Variants in FHL5 observed in about 807,000 individuals in gnomAD.
FHL5 encodes four and a half LIM domains protein 5.
FHL5 carries 33 observed loss-of-function variants against 32.0 expected under a neutral mutation model. The observed-to-expected ratio is 1.03, with a 90% CI of 0.78 to 1.38. FHL5 has a LOEUF of 1.38. FHL5 is among the 40% of genes most tolerant of loss of function. FHL5 has a pLI of 0.00. For missense variants in FHL5, 336 were observed against 343.9 expected, an observed-to-expected ratio of 0.98 and a Z score of 0.18; for synonymous variants, 114 against 113.6, an observed-to-expected ratio of 1.00 and a Z score of -0.02.
rs1002607745 is a variant in FHL5, at chr6:96,585,940, G to A, written c.-12-17662G>A. Among the ~76,000 whole-genome samples the A allele has an allele frequency of 8.5e-5, 13 of 152,282 alleles. 1 individual carries two copies. Among genetic ancestry groups the A allele is most frequent in the Admixed American group, 7.8e-4 (12 of 15,290 alleles). ...CACAATGCTGTGTTAACTGAAACTT[G>A]TGCATATTGTAAACATATTCTTGCC... On this transcript the variant is annotated intron_variant, in intron 1 of 5. Transcript: ENST00000450218.
At chr6:96,577,108 AAAATT>A (rs990822673) in intron 1 of FHL5, among the ~76,000 whole-genome samples, 2 of 152,322 alleles carry the variant, frequency 1.3e-5, no homozygotes, top group East Asian at 1.9e-4. Flanking sequence ...AAAACAGATA[AAAATT>A]AAATTAAATT....
intron 1 of FHL5, among the ~76,000 whole-genome samples, chr6:96,574,097 T>C (rs1770538689): frequency 6.6e-6 from 1 of 152,150 alleles, no homozygotes; most frequent in Non-Finnish European, 1.5e-5. Context: ...TTTTTCCCAC[T>C]TAGAGAATTA....
At chr6:96,563,028 G>C (rs1026930361), upstream of FHL5, 3 of 152,170 alleles carry the variant, frequency 2.0e-5, no homozygotes, top group African/African-American at 7.2e-5. Flanking sequence ...CAGATACTTC[G>C]AATGCTAATC....
At chr6:96,582,746 C>A (rs974715410) in intron 1 of FHL5, among the ~76,000 whole-genome samples, 1 of 152,050 alleles carries the variant, frequency 6.6e-6, no homozygotes, top group East Asian at 1.9e-4. Context: ...TTCTATGATG[C>A]TTGTTTTAGG....
chr6:96,587,453 CTGA>C (rs1770822320), intron 1 of FHL5, among the ~76,000 whole-genome samples: 1 of 152,142 alleles, frequency 6.6e-6, no homozygotes, highest in African/African-American at 2.4e-5. Context: ...GATTATATGG[CTGA>C]TATCATCACT....
intron 1 of FHL5, among the ~76,000 whole-genome samples, chr6:96,603,388 A>AT (rs1771197028): frequency 6.6e-6 from 1 of 152,128 alleles, no homozygotes; most frequent in African/African-American, 2.4e-5. Context: ...TTTTAGCAAA[A>AT]CATACAGGGA....
At chr6:96,614,398 C>T (rs1771474384) in intron 5 of FHL5, among the ~76,000 whole-genome samples, 1 of 151,994 alleles carries the variant, frequency 6.6e-6, no homozygotes, top group African/African-American at 2.4e-5. Context: ...GATAAGCAAG[C>T]TATAAATTTA....
At chr6:96,594,185 A>G (rs1187946883) in intron 1 of FHL5, among the ~76,000 whole-genome samples, 4 of 146,808 alleles carry the variant, frequency 2.7e-5, no homozygotes, top group Non-Finnish European at 4.5e-5. Flanking sequence ...ATTTCAGCAG[A>G]AAAATGAAAG....
Position 96,575,254 on chromosome 6 carries a change from T to G in FHL5, c.-13+11899T>G, listed in dbSNP as rs539850298. On this transcript the variant is annotated intron_variant, in intron 1 of 5. Transcript: ENST00000450218. ...AGACCAAGAATAAAACTAGCTTTAT[T>G]GTAACATTTGTTTAGATTGGAAAGT... Among the ~76,000 whole-genome samples the G allele has an allele frequency of 6.6e-5, 10 of 152,328 alleles. No homozygotes were observed. The South Asian group carries it at 2.1e-3, about 32-fold the overall frequency.
rs1486588353 is a variant in FHL5, at chr6:96,617,106, T to C, written c.*1334T>C. Among the ~76,000 whole-genome samples, 1 of 152,220 alleles carries C rather than the reference T, an allele frequency of 6.6e-6. No homozygotes were observed. Among genetic ancestry groups the C allele is most frequent in the Non-Finnish European group, 1.5e-5 (1 of 68,034 alleles). ...ACCAGGTTTATCTTTATACCAGACT[T>C]TAACTGATCATGACCCTATCTTGCT... On this transcript the variant is annotated 3_prime_UTR_variant, in exon 6 of 6. Transcript: ENST00000450218.
intron 1 of FHL5, among the ~76,000 whole-genome samples, chr6:96,566,662 T>C (rs924682426): frequency 2.0e-5 from 3 of 151,952 alleles, no homozygotes; most frequent in Non-Finnish European, 4.4e-5. Context: ...TGTCAGCATT[T>C]TTTTTTTGTC....
At chr6:96,604,034 C>A (rs942295551) in intron 2 of FHL5, among the ~76,000 whole-genome samples, 3 of 152,182 alleles carry the variant, frequency 2.0e-5, no homozygotes, top group Non-Finnish European at 4.4e-5. Flanking sequence ...TCCAAAGTTA[C>A]ACAGCTAGAA....
intron 5 of FHL5, among the ~76,000 whole-genome samples, chr6:96,611,383 A>G (rs1346355221): frequency 6.6e-6 from 1 of 152,238 alleles, no homozygotes; most frequent in African/African-American, 2.4e-5. Flanking sequence ...AAAATGTGAC[A>G]TGATTTGAAA....
In FHL5 at chr6:96,606,355, T is replaced by C. The variant is rs1771280661; in HGVS notation, c.504+284T>C. Among the ~76,000 whole-genome samples, 2 of 152,024 alleles carry C rather than the reference T, an allele frequency of 1.3e-5. 1 individual carries two copies. The highest frequency in any genetic ancestry group is 4.1e-4 in the South Asian group (2 of 4,824). On this transcript the variant is annotated intron_variant, in intron 4 of 5. Transcript: ENST00000450218. Reference sequence around the variant, plus strand: ...ATTTCACTGTTTTTTGTTGTTGTTGTTGTTTTATTTTTTTGGGATGGAATC... The same window carrying C: ...ATTTCACTGTTTTTTGTTGTTGTTGCTGTTTTATTTTTTTGGGATGGAATC...
chr6:96,589,593 G>T (rs1770873272), intron 1 of FHL5, among the ~76,000 whole-genome samples: 1 of 151,762 alleles, frequency 6.6e-6, no homozygotes, highest in Non-Finnish European at 1.5e-5. Context: ...TGACTTCTTT[G>T]TTAATTAATG....
chr6:96,584,788 G>A (rs533764436), intron 1 of FHL5, among the ~76,000 whole-genome samples: 8 of 152,192 alleles, frequency 5.3e-5, no homozygotes, highest in African/African-American at 1.4e-4. Flanking sequence ...TCAGTTCAAT[G>A]TAAGCCAATA....
chr6:96,568,568 T>A (rs1364391078), intron 1 of FHL5, among the ~76,000 whole-genome samples: 1 of 151,942 alleles, frequency 6.6e-6, no homozygotes, highest in Non-Finnish European at 1.5e-5. Flanking sequence ...TTTGGTAGAA[T>A]TCCAGAGTGA....
rs141145727 is a variant in FHL5 at position 96,605,458 on chromosome 6, C to A, written c.335-444C>A. On this transcript the variant is annotated intron_variant, in intron 3 of 5. Coordinates refer to ENST00000450218, the MANE Select transcript of FHL5 (RefSeq NM_001322466.2). ...GCATAAGAACATAATTCATTCTCTG[C>A]CACTCTTGCTCTCTCATTTTCTTAT... Among the ~76,000 whole-genome samples, 411 of 152,292 alleles carry A rather than the reference C, an allele frequency of 2.7e-3. 4 individuals carry two copies. The highest frequency in any genetic ancestry group is 0.014 in the Middle Eastern group (4 of 294).
At chr6:96,565,233 C>A (rs1770331234) in intron 1 of FHL5, among the ~76,000 whole-genome samples, 1 of 152,068 alleles carries the variant, frequency 6.6e-6, no homozygotes, top group African/African-American at 2.4e-5. Context: ...TTAGAACATA[C>A]TAGGATATGT....
Sources: allele counts gnomAD v4.1 joint callset (sites outside exome capture counted in the v4.1 genomes callset), GRCh38; gene constraint gnomAD v4.1.1; transcripts MANE v1.5; gene names NCBI Gene and HGNC (gene_info 2026-07-23, HGNC 2026-07-21).